The following ROBO2 variants were observed in gnomAD, a reference collection of about 807,000 sequenced individuals.
ROBO2 encodes roundabout homolog 2.
Under a neutral mutation model 160.8 loss-of-function variants are expected in ROBO2, and 53 were observed. The observed-to-expected ratio is 0.33, with a 90% confidence interval of 0.26 to 0.41. The LOEUF is 0.41. Ranked by LOEUF, ROBO2 falls within the 10% of genes least tolerant of loss-of-function variation. The pLI is 1.00. For synonymous variants in ROBO2, 664 were observed against 611.7 expected, an observed-to-expected ratio of 1.09 and a Z score of -1.26; for missense variants, 1,577 against 1,722.4, an observed-to-expected ratio of 0.92 and a Z score of 1.49.
chr3:76,753,054 G>A (rs887314562), intron 2 of ROBO2, among the ~76,000 whole-genome samples: 1 of 151,768 alleles, frequency 6.6e-6, no homozygotes, highest in Non-Finnish European at 1.5e-5. Flanking sequence ...TATTTTTAAA[G>A]GTATATGCAA....
chr3:77,102,643 T>G (rs904223367), intron 2 of ROBO2, among the ~76,000 whole-genome samples: 1 of 152,198 alleles, frequency 6.6e-6, no homozygotes, highest in Non-Finnish European at 1.5e-5. Context: ...ATACGAAATG[T>G]GGAATGTTAT....
At chr3:76,349,036 C>G (rs1242653633) in intron 2 of ROBO2, among the ~76,000 whole-genome samples, 1 of 152,038 alleles carries the variant, frequency 6.6e-6, no homozygotes, top group African/African-American at 2.4e-5. Context: ...ATTTCTAGTT[C>G]CTAGGGGCCT....
chr3:76,028,561 T>G (rs2066817367), intron 2 of ROBO2, among the ~76,000 whole-genome samples: 1 of 151,902 alleles, frequency 6.6e-6, no homozygotes, highest in African/African-American at 2.4e-5. Context: ...AAACAGACAT[T>G]GAAAATCTCC....
chr3:76,806,499 C>A (rs2064725405), intron 2 of ROBO2, among the ~76,000 whole-genome samples: 1 of 151,444 alleles, frequency 6.6e-6, no homozygotes, highest in Non-Finnish European at 1.5e-5. Flanking sequence ...AGTTTGTCTT[C>A]AATAAGTGTT....
intron 2 of ROBO2, among the ~76,000 whole-genome samples, chr3:76,629,743 C>G (rs546473179): frequency 1.3e-5 from 2 of 152,266 alleles, no homozygotes; most frequent in Admixed American, 1.3e-4. Flanking sequence ...AACCATCACA[C>G]CAGTCTTTAG....
intron 2 of ROBO2, among the ~76,000 whole-genome samples, chr3:76,064,532 G>A (rs1038177994): frequency 1.3e-5 from 2 of 152,004 alleles, no homozygotes; most frequent in African/African-American, 4.8e-5. Flanking sequence ...GCAAATTATC[G>A]GTGATTTGAA....
At chr3:76,702,299 T>A (rs2107474474) in intron 2 of ROBO2, among the ~76,000 whole-genome samples, 1 of 152,186 alleles carries the variant, frequency 6.6e-6, no homozygotes, top group East Asian at 1.9e-4. Flanking sequence ...CCTAGATTGA[T>A]GTATGCAATT....
rs933328595 is a variant in ROBO2, at chr3:77,153,621, G to C, written c.388+55281G>C. On this transcript the variant is annotated intron_variant, in intron 2 of 25. Coordinates refer to ENST00000461745, the Ensembl canonical transcript of ROBO2. ...GCAATAATGAGAGGAAGCCAGACTG[G>C]AAAAAGATGTCTCCTTACTAAAATA... Among the ~76,000 whole-genome samples the C allele has an allele frequency of 3.3e-5, 5 of 152,176 alleles. No individual in the cohort carries two copies. The South Asian group carries it at 8.3e-4, about 25-fold the overall frequency.
chr3:75,971,340 G>T (rs1216288410), intron 2 of ROBO2, among the ~76,000 whole-genome samples: 1 of 151,398 alleles, frequency 6.6e-6, no homozygotes, highest in Non-Finnish European at 1.5e-5. Context: ...ACCTGAACAT[G>T]TTTCTTTTAA....
intron 2 of ROBO2, among the ~76,000 whole-genome samples, chr3:76,218,904 T>A (rs1222876324): frequency 6.6e-6 from 1 of 152,188 alleles, no homozygotes; most frequent in African/African-American, 2.4e-5. Flanking sequence ...ACTACCTGAC[T>A]TCAAACTATA....
At chr3:77,293,321 T>C (rs71626807) in intron 2 of ROBO2, among the ~76,000 whole-genome samples, 15,143 of 136,154 alleles carry the variant, frequency 0.11, 1,010 homozygotes, top group East Asian at 0.37. Flanking sequence ...AAACGGGAAG[T>C]TGAGGCTAGA....
chr3:77,211,006 G>C (rs569013141), intron 2 of ROBO2, among the ~76,000 whole-genome samples: 1 of 152,128 alleles, frequency 6.6e-6, no homozygotes. Context: ...CATTTGGGTT[G>C]GTTCCAAGTC....
At chr3:76,029,850 G>A (rs2066861708) in intron 2 of ROBO2, among the ~76,000 whole-genome samples, 1 of 152,156 alleles carries the variant, frequency 6.6e-6, no homozygotes, top group African/African-American at 2.4e-5. Flanking sequence ...CTTTATAGTA[G>A]CATGATTTAT....
intron 2 of ROBO2, among the ~76,000 whole-genome samples, chr3:76,598,647 G>T (rs140741510): frequency 6.6e-6 from 1 of 152,034 alleles, no homozygotes; most frequent in Non-Finnish European, 1.5e-5. Context: ...TCAATTAAGC[G>T]TGTCAATCAC....
chr3:76,014,342 C>A (rs999848283), intron 2 of ROBO2, among the ~76,000 whole-genome samples: 17 of 138,312 alleles, frequency 1.2e-4, no homozygotes, highest in African/African-American at 4.4e-4. Flanking sequence ...TGTATAAAGG[C>A]AATTGGCGGC....
chr3:75,938,239 A>G (rs1221908260), intron 2 of ROBO2, among the ~76,000 whole-genome samples: 1 of 151,962 alleles, frequency 6.6e-6, no homozygotes, highest in Non-Finnish European at 1.5e-5. Context: ...AAGGCTTTCA[A>G]TACTGATTTG....
At chr3:77,603,521 T>A (rs2094470521) in intron 20 of ROBO2, among the ~76,000 whole-genome samples, 1 of 152,298 alleles carries the variant, frequency 6.6e-6, no homozygotes, top group South Asian at 2.1e-4. Flanking sequence ...TGAATGATAT[T>A]CTACTGCACT....
At chr3:75,976,780 A>G (rs2065144622) in intron 2 of ROBO2, among the ~76,000 whole-genome samples, 1 of 151,486 alleles carries the variant, frequency 6.6e-6, no homozygotes, top group Non-Finnish European at 1.5e-5. Context: ...AGAAACAAGA[A>G]GAAGACTCGG....
At chr3:76,532,859 G>A (rs759523792) in intron 2 of ROBO2, among the ~76,000 whole-genome samples, 8 of 152,146 alleles carry the variant, frequency 5.3e-5, no homozygotes, top group Admixed American at 2.0e-4. Flanking sequence ...GTGGGGTCAC[G>A]TTTTATATTT....
Sources: gnomAD v4.1 joint callset for allele counts (sites outside exome capture counted in the v4.1 genomes callset) on GRCh38, gnomAD v4.1.1 for gene constraint, MANE v1.5 for transcripts, NCBI Gene and HGNC (gene_info 2026-07-23, HGNC 2026-07-21) for gene names.